The following VWA8 variants were observed in gnomAD, a reference collection of about 807,000 sequenced individuals.
The protein encoded by VWA8 is von Willebrand factor A domain containing 8.
In VWA8, 221 loss-of-function variants were observed where a neutral mutation model predicts 241.5. The observed-to-expected ratio is 0.91, with a 90% CI of 0.82 to 1.02. VWA8 has a LOEUF of 1.02. Ranked by LOEUF, VWA8 falls within the 50% of genes least tolerant of loss-of-function variation. The pLI is 0.00. For missense variants in VWA8, 2,322 were observed against 2,328.7 expected (o/e 1.00, Z 0.06); for synonymous variants, 852 against 827.1 (o/e 1.03, Z -0.52).
intron 9 of VWA8, among the ~76,000 whole-genome samples, chr13:41,875,187 T>C (rs1186221539): frequency 6.6e-6 from 1 of 152,122 alleles, no homozygotes; most frequent in Non-Finnish European, 1.5e-5. Context: ...GACTTCTGCT[T>C]TAACTATGAG....
Position 41,947,946 on chromosome 13 carries a change from AAAAAAAACAAAAC to A in VWA8, c.241+1977_241+1989del, listed in dbSNP as rs1467466201. Among the ~76,000 whole-genome samples, 53 of 148,950 alleles carry A rather than the reference AAAAAAAACAAAAC, an allele frequency of 3.6e-4. 2 individuals carry two copies. In the South Asian group the frequency reaches 6.2e-3, roughly 18 times the overall value. Reference sequence around the variant, plus strand: ...GACCCTGTCTCAAAAAAAAAAAAAAAAAAAAAACAAAACAAAACATTTTGGTAATTCCTTGAAA... The same window carrying A: ...GACCCTGTCTCAAAAAAAAAAAAAAAAAAACATTTTGGTAATTCCTTGAAA... On this transcript the variant is annotated intron_variant, in intron 2 of 44. Coordinates refer to ENST00000379310, the MANE Select transcript of VWA8 (RefSeq NM_015058.2).
chr13:41,841,733 C>T (rs1593809466), intron 12 of VWA8, among the ~76,000 whole-genome samples: 1 of 127,460 alleles, frequency 7.8e-6, no homozygotes, highest in African/African-American at 3.0e-5. Flanking sequence ...TGCAGTGAGC[C>T]GAGATCGCGC....
intron 2 of VWA8, among the ~76,000 whole-genome samples, chr13:41,920,324 G>C (rs1174433417): frequency 6.6e-6 from 1 of 151,980 alleles, no homozygotes; most frequent in African/African-American, 2.4e-5. Context: ...TGCCCTCCAT[G>C]GTCAGAGCCA....
intron 37 of VWA8, among the ~76,000 whole-genome samples, chr13:41,666,823 T>C (rs2044989657): frequency 6.6e-6 from 1 of 152,168 alleles, no homozygotes; most frequent in South Asian, 2.1e-4. Flanking sequence ...AGCTGGATCA[T>C]CTTGCTGAAA....
chr13:41,708,833 G>A (rs1184668147), intron 26 of VWA8, among the ~76,000 whole-genome samples: 3 of 152,146 alleles, frequency 2.0e-5, no homozygotes, highest in African/African-American at 4.8e-5. Context: ...GTCACTCAGA[G>A]CCAAAGCAGA....
At chr13:41,713,753 C>T (rs761568243) in intron 26 of VWA8, among the ~76,000 whole-genome samples, 9 of 152,072 alleles carry the variant, frequency 5.9e-5, no homozygotes, top group Non-Finnish European at 1.3e-4. Context: ...ATGAGAACAT[C>T]TCATATACTT....
At chr13:41,868,756 C>T (rs541218855) in intron 9 of VWA8, among the ~76,000 whole-genome samples, 3 of 151,554 alleles carry the variant, frequency 2.0e-5, no homozygotes, top group Admixed American at 6.6e-5. Flanking sequence ...GGCGTGGTGG[C>T]GGGCACCTGT....
At chr13:41,845,883 T>C (rs537950388) in intron 12 of VWA8, among the ~76,000 whole-genome samples, 1 of 152,248 alleles carries the variant, frequency 6.6e-6, no homozygotes, top group East Asian at 1.9e-4. Flanking sequence ...TTGGGTACTA[T>C]GCTACCTGGG....
chr13:41,791,765 T>C (rs539247692), intron 17 of VWA8, among the ~76,000 whole-genome samples: 37 of 152,024 alleles, frequency 2.4e-4, no homozygotes, highest in African/African-American at 8.2e-4. Flanking sequence ...CATACAAATA[T>C]ATCAATTTAT....
chr13:41,959,369 G>A (rs1371846212), intron 1 of VWA8, among the ~76,000 whole-genome samples: 1 of 151,708 alleles, frequency 6.6e-6, no homozygotes, highest in Admixed American at 6.6e-5. Context: ...TATAGTTTAT[G>A]CTATACTTCC....
At chr13:41,779,887 C>A (rs1189282352) in intron 19 of VWA8, among the ~76,000 whole-genome samples, 4 of 152,174 alleles carry the variant, frequency 2.6e-5, no homozygotes, top group African/African-American at 9.7e-5. Flanking sequence ...TTATTCAAGT[C>A]AACAAACCTT....
chr13:41,854,618 T>C (rs1371520645), intron 12 of VWA8, among the ~76,000 whole-genome samples: 1 of 152,070 alleles, frequency 6.6e-6, no homozygotes, highest in African/African-American at 2.4e-5. Flanking sequence ...AAATTCTAAG[T>C]GATAAAGTCT....
rs754267431 is a variant in VWA8 at position 41,787,428 on chromosome 13, A to G, written c.2170+9T>C. The G allele has an allele frequency of 1.9e-6, 3 of 1,588,500 alleles. No homozygotes were observed. Among genetic ancestry groups the G allele is most frequent in the Non-Finnish European group, 2.6e-6 (3 of 1,158,502 alleles). ...TCACTTAAAAAAAAGAGCCAAATCAAATACTTACATTTGTAATCCTTCAGT... is the reference window on the plus strand; with the variant it reads ...TCACTTAAAAAAAAGAGCCAAATCAGATACTTACATTTGTAATCCTTCAGT... On this transcript the variant is annotated intron_variant, in intron 18 of 44. Transcript: ENST00000379310.
chr13:41,916,497 T>A (rs1303509286), intron 2 of VWA8, among the ~76,000 whole-genome samples: 2 of 152,250 alleles, frequency 1.3e-5, no homozygotes. Flanking sequence ...GTATGTTTTA[T>A]TCCTTTTATT....
intron 20 of VWA8, among the ~76,000 whole-genome samples, chr13:41,774,123 AATTT>A (rs780765968): frequency 1.3e-4 from 19 of 151,986 alleles, no homozygotes; most frequent in Admixed American, 5.9e-4. Context: ...ACTCATTAGG[AATTT>A]ATTTATTTAT....
At chr13:41,741,169 A>T (rs2045566738) in intron 21 of VWA8, among the ~76,000 whole-genome samples, 1 of 152,180 alleles carries the variant, frequency 6.6e-6, no homozygotes, top group Non-Finnish European at 1.5e-5. Flanking sequence ...AAACATGAAG[A>T]CTGGCCTTTT....
intron 1 of VWA8, among the ~76,000 whole-genome samples, chr13:41,959,256 A>C (rs1391236230): frequency 6.6e-6 from 1 of 152,202 alleles, no homozygotes; most frequent in African/African-American, 2.4e-5. Context: ...TTTACAGTTA[A>C]GAAAACTAGG....
At chr13:41,641,656 T>C (rs1002485024) in intron 37 of VWA8, among the ~76,000 whole-genome samples, 1 of 152,132 alleles carries the variant, frequency 6.6e-6, no homozygotes, top group Admixed American at 6.5e-5. Flanking sequence ...TGTTCTGCTC[T>C]TATCTATTAA....
rs1477503434 is a variant in VWA8, at chr13:41,721,451, C to G, written c.2883G>C (p.Glu961Asp). Residue 961 changes from glutamate (E) to aspartate (D), a missense_variant, in exon 25 of 45, where the codon GAG becomes GAC. Glu to Asp is a conservative substitution (Grantham distance 45). Coordinates refer to ENST00000379310, the MANE Select transcript of VWA8 (RefSeq NM_015058.2). ...TCCCTTGGTCAGCCAAACTCCTCAG[C>G]TCTCCAAAGGCAGCCACAAGCTTCT... ...ILQKLVAAFG[E>D]LRSLADQGII... is the part of the protein sequence containing the mutation. The G allele has an allele frequency of 1.2e-5, 19 of 1,613,786 alleles. No homozygotes were observed. Among genetic ancestry groups the G allele is most frequent in the Non-Finnish European group, 1.5e-5 (18 of 1,179,860 alleles).
Sources: allele counts gnomAD v4.1 joint callset (sites outside exome capture counted in the v4.1 genomes callset), GRCh38; gene constraint gnomAD v4.1.1; transcripts MANE v1.5; gene names NCBI Gene and HGNC (gene_info 2026-07-23, HGNC 2026-07-21).